The following CCDC33 variants were observed in gnomAD, a reference collection of about 807,000 sequenced individuals.
The protein encoded by CCDC33 is coiled-coil domain-containing protein 33.
A neutral mutation model predicts 91.9 loss-of-function variants in CCDC33; 94 were observed. The ratio of observed to expected loss-of-function variants is 1.02; its 90% CI spans 0.87 to 1.21. CCDC33 has a LOEUF of 1.21. Among genes scored for constraint, CCDC33 ranks in the 50% most tolerant of loss-of-function variants. The pLI, the probability that CCDC33 is intolerant of heterozygous loss-of-function variation, is 0.00. For synonymous variants in CCDC33, 396 were observed against 374.5 expected (o/e 1.06, Z -0.66); for missense variants, 940 against 935.5 (o/e 1.00, Z -0.06).
intron 11 of CCDC33, among the ~76,000 whole-genome samples, chr15:74,313,415 C>CTTTTTTTTT (rs35519774): frequency 8.2e-4 from 77 of 94,172 alleles, no homozygotes; most frequent in Non-Finnish European, 1.4e-3. Context: ...TTCTTTCTTT[C>CTTTTTTTTT]TTTTTTTTTT....
upstream of CCDC33, among the ~76,000 whole-genome samples, chr15:74,233,674 A>G (rs1345133515): frequency 6.6e-6 from 1 of 152,212 alleles, no homozygotes; most frequent in African/African-American, 2.4e-5. Context: ...AAGGTTGGTT[A>G]GCAGGGAAAA....
chr15:74,261,858 C>T (rs1466965941), intron 2 of CCDC33, among the ~76,000 whole-genome samples: 1 of 152,224 alleles, frequency 6.6e-6, no homozygotes, highest in Non-Finnish European at 1.5e-5. Flanking sequence ...AGGTTTCCAG[C>T]TCCAGGGGCC....
At chr15:74,263,664 C>T (rs2076088086) in intron 3 of CCDC33, among the ~76,000 whole-genome samples, 1 of 152,242 alleles carries the variant, frequency 6.6e-6, no homozygotes, top group Non-Finnish European at 1.5e-5. Context: ...TGCAGAGGCA[C>T]ATGCGTGCCT....
intron 10 of CCDC33, among the ~76,000 whole-genome samples, chr15:74,293,006 AG>A (rs1374171500): frequency 6.6e-6 from 1 of 152,192 alleles, no homozygotes; most frequent in Non-Finnish European, 1.5e-5. Flanking sequence ...TCCACATACA[AG>A]TACCTGGTGA....
At chr15:74,207,774 G>A (rs1278401560) in intron 1 of CCDC33, 2 of 1,535,694 alleles carry the variant, frequency 1.3e-6, no homozygotes, top group African/African-American at 1.4e-5. Context: ...GTGAGCTTGG[G>A]GTGTGCCCTC....
At chr15:74,302,751 C>T (rs1206801333) in intron 11 of CCDC33, 3 of 152,802 alleles carry the variant, frequency 2.0e-5, no homozygotes, top group African/African-American at 7.2e-5. Context: ...AGGTCTGCCC[C>T]ACTGGAGGTT....
In CCDC33 at chr15:74,316,784, CTT is replaced by C. The variant is rs1211284553; in HGVS notation, c.1291-13404_1291-13403del. On this transcript the variant is annotated intron_variant, in intron 11 of 18. Coordinates refer to ENST00000398814, the MANE Select transcript of CCDC33 (RefSeq NM_025055.5). This position sits in a 1 kb window ranked among gnomAD's most constrained non-coding sequence, Gnocchi z 4.7. ...AGGGAGTAATATTTCTGGAGCCACT[CTT>C]ATATGCCAGACGCTGCTCGGACGTG... 6.6e-6 allele frequency among the ~76,000 whole-genome samples: 1 copy of C among 152,176 alleles called. No homozygotes were observed. The highest frequency in any genetic ancestry group is 1.5e-5 in the Non-Finnish European group (1 of 68,040).
chr15:74,280,579 G>A (rs758370149), intron 8 of CCDC33, 89 bp from the exon 9 acceptor site: 17 of 1,388,422 alleles, frequency 1.2e-5, no homozygotes, highest in African/African-American at 1.5e-5. Flanking sequence ...AGCAGGCAGC[G>A]GGAGACAGGA....
intron 1 of CCDC33, among the ~76,000 whole-genome samples, chr15:74,206,351 C>A (rs2074261875): frequency 6.6e-6 from 1 of 152,200 alleles, no homozygotes; most frequent in African/African-American, 2.4e-5. Flanking sequence ...GGTACCTCCT[C>A]AGCTTGGGGC....
At position 74,236,620 on chromosome 15, in the gene CCDC33, G is replaced by T. The variant is rs2075166236; in HGVS notation, c.-100G>T. Reference sequence around the variant, plus strand: ...CCCATAAGGACTCCAAGACGCCCAGGCCAGCTGTCTGGGCAGGACTGATTC... The same window carrying T: ...CCCATAAGGACTCCAAGACGCCCAGTCCAGCTGTCTGGGCAGGACTGATTC... On this transcript the variant is annotated 5_prime_UTR_variant, in exon 1 of 19. Transcript: ENST00000398814. The T allele has an allele frequency of 1.8e-5, 20 of 1,136,688 alleles. No individual in the cohort carries two copies. The highest frequency in any genetic ancestry group is 2.6e-5 in the Non-Finnish European group (20 of 768,336). 70.4% of individuals were successfully genotyped at this position (1,136,688 alleles called of 1,614,324 possible).
At chr15:74,214,601 T>C (rs2074395662), upstream of CCDC33, among the ~76,000 whole-genome samples, 1 of 152,202 alleles carries the variant, frequency 6.6e-6, no homozygotes, top group Non-Finnish European at 1.5e-5. Flanking sequence ...CCTGACTTGC[T>C]GAAATTCACT....
At chr15:74,247,523 A>T (rs2075576726) in intron 2 of CCDC33, among the ~76,000 whole-genome samples, 1 of 152,190 alleles carries the variant, frequency 6.6e-6, no homozygotes, top group Admixed American at 6.5e-5. Context: ...AAAAGGGAGG[A>T]CATTCTGCCA....
At chr15:74,262,721 A>G in intron 3 of CCDC33, 148 bp downstream of exon 3, 1 of 790,268 alleles carries the variant, frequency 1.3e-6, no homozygotes, top group Non-Finnish European at 1.9e-6. Context: ...AGAAAAAATC[A>G]TAATACTGTC....
downstream of CCDC33, chr15:74,336,195 T>C (rs777169318): frequency 8.7e-5 from 126 of 1,446,122 alleles, no homozygotes; most frequent in Non-Finnish European, 1.1e-4. Context: ...TTCCTCCTCC[T>C]AGACCTCACT....
At chr15:74,227,319 CTTTGCAAGCTGTTCCTTAGCCCA>C (rs1460950884) in intron 2 of CCDC33, among the ~76,000 whole-genome samples, 1 of 152,210 alleles carries the variant, frequency 6.6e-6, no homozygotes, top group Non-Finnish European at 1.5e-5. Flanking sequence ...GAGACTCACA[CTTTGCAAGCTGTTCCTTAGCCCA>C]TTTGCAAGCT....
intron 11 of CCDC33, among the ~76,000 whole-genome samples, chr15:74,326,533 G>A (rs1238575115): frequency 6.6e-6 from 1 of 152,206 alleles, no homozygotes; most frequent in East Asian, 1.9e-4. Context: ...CGAAGGTGTC[G>A]GTGCAGCAAA....
In CCDC33 at chr15:74,295,744, C is replaced by T. The variant is rs774328753; in HGVS notation, c.1096-10C>T. 1 of 1,608,116 alleles carries T rather than the reference C, an allele frequency of 6.2e-7. No homozygotes were observed. The highest frequency in any genetic ancestry group is 1.7e-5 in the Admixed American group (1 of 59,112). On this transcript the variant is annotated splice_polypyrimidine_tract_variant and intron_variant, in intron 10 of 18. Coordinates refer to ENST00000398814, the MANE Select transcript of CCDC33 (RefSeq NM_025055.5). ...CTGTCCTGAAGTTTCTCTGCACCTT[C>T]TCTTCTCAGAGACCAGAAAACTTCT...
At chr15:74,312,144 G>A (rs562563292) in intron 11 of CCDC33, among the ~76,000 whole-genome samples, 5 of 152,334 alleles carry the variant, frequency 3.3e-5, no homozygotes, top group Admixed American at 3.3e-4. Context: ...AGAAGGACTG[G>A]CAAAACTAGA....
intron 2 of CCDC33, among the ~76,000 whole-genome samples, chr15:74,226,651 A>C (rs946109174): frequency 9.2e-5 from 14 of 152,040 alleles, no homozygotes; most frequent in African/African-American, 3.4e-4. Flanking sequence ...ACATGGTGAA[A>C]CCCCGTCTCT....
Sources: gnomAD v4.1 joint callset for allele counts (sites outside exome capture counted in the v4.1 genomes callset) on GRCh38, gnomAD v4.1.1 for gene constraint, Gnocchi (gnomAD v3.1) non-coding constraint, MANE v1.5 for transcripts, NCBI Gene and HGNC (gene_info 2026-07-23, HGNC 2026-07-21) for gene names.